Variants in CDC14A observed in about 807,000 individuals in gnomAD.
The protein encoded by CDC14A is cell division cycle 14A.
CDC14A carries 53 observed loss-of-function variants against 74.4 expected under a neutral mutation model. The ratio of observed to expected loss-of-function variants is 0.71; its 90% confidence interval spans 0.57 to 0.89. The LOEUF is 0.89. Among genes scored for constraint, CDC14A ranks in the 40% least tolerant of loss-of-function variants. The pLI, the probability that CDC14A is intolerant of heterozygous loss-of-function variation, is 0.00. For synonymous variants in CDC14A, 247 were observed against 258.4 expected (o/e 0.96, Z 0.43); for missense variants, 646 against 713.7 (o/e 0.91, Z 1.08).
In CDC14A at chr1:100,467,434, ATT is replaced by A. The variant is rs11284569; in HGVS notation, c.839-514_839-513del. Among the ~76,000 whole-genome samples the A allele has an allele frequency of 2.4e-4, 36 of 152,034 alleles. 1 individual carries two copies. Among genetic ancestry groups the A allele is most frequent in the Middle Eastern group, 6.8e-3 (2 of 294 alleles). ...ACACACACACACGCATATGCACACA[ATT>A]TTTTTTTCTTTCTTTTTCTAACTAA... On this transcript the variant is annotated intron_variant, in intron 9 of 15. Coordinates refer to ENST00000336454, the MANE Select transcript of CDC14A (RefSeq NM_003672.4).
intron 11 of CDC14A, among the ~76,000 whole-genome samples, chr1:100,486,897 A>G (rs1199748542): frequency 1.3e-5 from 2 of 152,184 alleles, no homozygotes; most frequent in East Asian, 1.9e-4. Flanking sequence ...TTTTCTTTCC[A>G]TGCTTATCTG....
At position 100,352,901 on chromosome 1, in the gene CDC14A, G is replaced by T; in HGVS notation, c.-54G>T. 3 of 1,612,356 alleles carry T rather than the reference G, an allele frequency of 1.9e-6. No individual in the cohort carries two copies. Reference sequence around the variant, plus strand: ...GGGCAGTGGGGAAGCCCCCGGGGGCGAGTGACTTCAGCTGGCCACGACCCA... The same window carrying T: ...GGGCAGTGGGGAAGCCCCCGGGGGCTAGTGACTTCAGCTGGCCACGACCCA... On this transcript the variant is annotated 5_prime_UTR_variant, in exon 1 of 16. Transcript: ENST00000336454.
intron 10 of CDC14A, chr1:100,480,955 C>G (rs889597030): frequency 6.6e-6 from 1 of 152,194 alleles, no homozygotes; most frequent in Non-Finnish European, 1.5e-5. Flanking sequence ...TTCAGAAATT[C>G]TCTAAACATC....
At chr1:100,472,255 CTG>C (rs1184741377) in intron 10 of CDC14A, among the ~76,000 whole-genome samples, 1 of 152,144 alleles carries the variant, frequency 6.6e-6, no homozygotes, top group Non-Finnish European at 1.5e-5. Flanking sequence ...GTACAGCTAT[CTG>C]TTGGAGATAT....
At chr1:100,448,714 A>G (rs11809079) in intron 7 of CDC14A, among the ~76,000 whole-genome samples, 19,569 of 152,228 alleles carry the variant, frequency 0.13, 3,391 homozygotes, top group African/African-American at 0.39. Flanking sequence ...TTGAAAGTCA[A>G]GTAGCCACAC....
At chr1:100,364,169 AT>A (rs1192982882) in intron 2 of CDC14A, among the ~76,000 whole-genome samples, 1 of 151,940 alleles carries the variant, frequency 6.6e-6, no homozygotes, top group Non-Finnish European at 1.5e-5. Flanking sequence ...TTTTTCTGTC[AT>A]ACACAGACTT....
chr1:100,399,381 A>T (rs1658962678), intron 4 of CDC14A, among the ~76,000 whole-genome samples: 1 of 152,176 alleles, frequency 6.6e-6, no homozygotes, highest in African/African-American at 2.4e-5. Context: ...AGTGCCAGAA[A>T]TAGGGTAAAT....
At chr1:100,515,146 G>A (rs1289970743) in intron 15 of CDC14A, among the ~76,000 whole-genome samples, 2 of 152,150 alleles carry the variant, frequency 1.3e-5, no homozygotes, top group African/African-American at 4.8e-5. Flanking sequence ...TTGAAATGGA[G>A]AGTACTTGTG....
chr1:100,456,697 T>C (rs1666733975), intron 8 of CDC14A, among the ~76,000 whole-genome samples: 1 of 152,212 alleles, frequency 6.6e-6, no homozygotes, highest in African/African-American at 2.4e-5. Flanking sequence ...TCTAGTTTCA[T>C]TGTATATTGT....
chr1:100,443,894 T>G (rs1482773882), intron 7 of CDC14A, among the ~76,000 whole-genome samples: 1 of 152,130 alleles, frequency 6.6e-6, no homozygotes, highest in Non-Finnish European at 1.5e-5. Context: ...ACAATGTGAG[T>G]AGGTTCAACA....
intron 10 of CDC14A, among the ~76,000 whole-genome samples, chr1:100,482,026 C>T (rs1669535187): frequency 1.3e-5 from 2 of 152,230 alleles, no homozygotes; most frequent in Admixed American, 1.3e-4. Flanking sequence ...ACACACAAAT[C>T]AGCTCTGACA....
chr1:100,377,597 C>T lies in CDC14A; in HGVS notation c.192C>T (p.Cys64=), dbSNP rs201731089. The stretch of plus-strand genomic sequence containing the variant: ...ACTTGGCAATGGTGTACAGATATTG[C>T]TGCAAACTAAACAAGAAACTAAAAG... ...PLNLAMVYRY[C]CKLNKKLKSY... Residue 64 remains cysteine (C), a synonymous_variant, in exon 3 of 16, where the codon TGC becomes TGT. Transcript: ENST00000336454. 1.1e-3 allele frequency: 1,815 copies of T among 1,612,560 alleles called. 2 individuals carry two copies. The highest frequency in any genetic ancestry group is 1.3e-3 in the Non-Finnish European group (1,538 of 1,178,794).
At chr1:100,518,179 GA>G in intron 15 of CDC14A, 71 bp from the exon 16 acceptor site, 1 of 1,136,954 alleles carries the variant, frequency 8.8e-7, no homozygotes, top group South Asian at 1.3e-5. Flanking sequence ...GTGGAAGGGA[GA>G]AGCTGCATGA....
intron 4 of CDC14A, among the ~76,000 whole-genome samples, chr1:100,396,774 A>C (rs1658556848): frequency 6.6e-6 from 1 of 152,236 alleles, no homozygotes; most frequent in Admixed American, 6.5e-5. Context: ...TTGTGCCACA[A>C]ACACCATGGC....
In CDC14A at chr1:100,352,961, GC is replaced by G. The variant is rs775902123; in HGVS notation, c.8del (p.Ala3GlyfsTer6). 1 of 1,614,060 alleles carries G rather than the reference GC, an allele frequency of 6.2e-7. No individual in the cohort carries two copies. The highest frequency in any genetic ancestry group is 8.5e-7 in the Non-Finnish European group (1 of 1,180,014). On this transcript the variant is annotated frameshift_variant, in exon 1 of 16. Transcript: ENST00000336454. LOFTEE classifies it high-confidence loss of function. ...CGTGCGTATCTCGCTTAAGATGGCA[GC>G]GGAGTCAGGGGAACTAATCGGGGCT... Reference protein sequence around the residue: MAAESGELIGACE... With the variant: MAXESGELIGACE...
upstream of CDC14A, among the ~76,000 whole-genome samples, chr1:100,349,258 CTGTG>C (rs1404305982): frequency 6.6e-6 from 1 of 151,514 alleles, no homozygotes; most frequent in Non-Finnish European, 1.5e-5. Flanking sequence ...TGCTGAATTT[CTGTG>C]TGTAATATTA....
At chr1:100,406,231 G>T (rs549744257) in intron 4 of CDC14A, among the ~76,000 whole-genome samples, 18 of 152,044 alleles carry the variant, frequency 1.2e-4, no homozygotes, top group East Asian at 9.7e-4. Flanking sequence ...GGGTTGTTTG[G>T]TTTTTTCTTG....
chr1:100,410,495 A>AT (rs199512603), intron 4 of CDC14A, among the ~76,000 whole-genome samples: 10,785 of 151,888 alleles, frequency 0.071, 837 homozygotes, highest in African/African-American at 0.19. Flanking sequence ...TAATTTTTGT[A>AT]TTTTAGTAGA....
At chr1:100,454,756 A>G (rs939739415) in intron 7 of CDC14A, among the ~76,000 whole-genome samples, 1 of 152,192 alleles carries the variant, frequency 6.6e-6, no homozygotes, top group African/African-American at 2.4e-5. Context: ...AGCTGTGTTC[A>G]GTTGGCTTTC....
Sources: gnomAD v4.1 joint callset for allele counts (sites outside exome capture counted in the v4.1 genomes callset) on GRCh38, gnomAD v4.1.1 for gene constraint, MANE v1.5 for transcripts, NCBI Gene and HGNC (gene_info 2026-07-23, HGNC 2026-07-21) for gene names.